Variants in LRP5 observed in about 807,000 individuals in gnomAD.
The protein encoded by LRP5 is LDL receptor related protein 5, also known as low-density lipoprotein receptor-related protein 5.
LRP5 carries 62 observed loss-of-function variants against 154.1 expected under a neutral mutation model. The ratio of observed to expected loss-of-function variants is 0.40; its 90% CI spans 0.33 to 0.50. The LOEUF is 0.50. LRP5 is among the 20% of genes least tolerant of loss of function. The pLI, the probability that LRP5 is intolerant of heterozygous loss-of-function variation, is 0.55. For missense variants in LRP5, 1,915 were observed against 2,336.7 expected (o/e 0.82, Z 3.72); for synonymous variants, 966 against 1,011.5 (o/e 0.96, Z 0.85).
At chr11:68,377,494 G>A (rs1299929443) in intron 5 of LRP5, among the ~76,000 whole-genome samples, 4 of 152,220 alleles carry the variant, frequency 2.6e-5, no homozygotes, top group African/African-American at 4.8e-5. Flanking sequence ...CTTGTGCTTT[G>A]TGACCCTATG....
At chr11:68,313,912 C>T (rs1160318396) in intron 1 of LRP5, among the ~76,000 whole-genome samples, 1 of 152,202 alleles carries the variant, frequency 6.6e-6, no homozygotes, top group African/African-American at 2.4e-5. Context: ...GCTGCAGCCT[C>T]TGCTTGGAGG....
At chr11:68,346,725 G>T (rs146296910) in intron 1 of LRP5, among the ~76,000 whole-genome samples, 1 of 152,112 alleles carries the variant, frequency 6.6e-6, no homozygotes, top group Non-Finnish European at 1.5e-5. Context: ...ATGTTTTTTG[G>T]GGGTGTTTGT....
Position 68,414,023 on chromosome 11 carries a change from C to T in LRP5, c.2827+11C>T. The T allele has an allele frequency of 6.2e-7, 1 of 1,601,378 alleles. No homozygotes were observed. Among genetic ancestry groups the T allele is most frequent in the Non-Finnish European group, 8.5e-7 (1 of 1,179,098 alleles). ...GCCGCAACTGCAGCCGTAAGTGCCT[C>T]ATGGTCCCCCGCACCTCACTCCCTC... On this transcript the variant is annotated intron_variant, in intron 12 of 22. Coordinates refer to ENST00000294304, the MANE Select transcript of LRP5 (RefSeq NM_002335.4).
At chr11:68,392,504 G>A (rs56035323) in intron 7 of LRP5, among the ~76,000 whole-genome samples, 1 of 152,102 alleles carries the variant, frequency 6.6e-6, no homozygotes, top group Non-Finnish European at 1.5e-5. Context: ...ACTCTGTCTT[G>A]AAAAATAAAT....
At chr11:68,357,599 A>G (rs79605577) in intron 2 of LRP5, 51 bp from the exon 3 acceptor site, 5 of 1,561,812 alleles carry the variant, frequency 3.2e-6, no homozygotes, top group South Asian at 1.1e-5. Flanking sequence ...GCAGACAAAA[A>G]CAAAAAACAG....
the LRP5 span, among the ~76,000 whole-genome samples, chr11:68,306,052 G>C: frequency 6.6e-6 from 1 of 152,208 alleles, no homozygotes; most frequent in African/African-American, 2.4e-5. Flanking sequence ...TCCTTGGCTT[G>C]TGGCTGCATG....
chr11:68,437,335 C>G (rs2098675601), intron 19 of LRP5, among the ~76,000 whole-genome samples: 1 of 152,260 alleles, frequency 6.6e-6, no homozygotes, highest in East Asian at 1.9e-4. Flanking sequence ...GTCCTGTTCC[C>G]TGGCAGCTTA....
At chr11:68,406,053 A>T (rs559343878) in intron 8 of LRP5, among the ~76,000 whole-genome samples, 1 of 152,328 alleles carries the variant, frequency 6.6e-6, no homozygotes, top group East Asian at 1.9e-4. Context: ...GCTGCACTTT[A>T]GTTTCCTTGA....
In LRP5 at chr11:68,406,780, C is replaced by A; in HGVS notation, c.2058C>A (p.Asn686Lys). 6.2e-7 allele frequency: 1 copy of A among 1,614,104 alleles called. No individual in the cohort carries two copies. The highest frequency in any genetic ancestry group is 1.1e-5 in the South Asian group (1 of 91,080). The change falls in exon 9 of 23, where the codon AAC (asparagine) becomes AAA (lysine). Residue 686 changes from asparagine (N) to lysine (K), a missense_variant. Around this residue, in one of 3 missense-constraint regions of LRP5, gnomAD observed 773 missense variants for 1,100.9 expected, o/e 0.70. Transcript: ENST00000294304. Reference sequence around the variant, plus strand: ...CAGCCCTGGACTTTGATGTGTCCAACAACCACATCTACTGGACAGACGTCA... The same window carrying A: ...CAGCCCTGGACTTTGATGTGTCCAAAAACCACATCTACTGGACAGACGTCA... Reference protein sequence around the residue: ...EASALDFDVSNNHIYWTDVSL... With the variant: ...EASALDFDVSKNHIYWTDVSL...
intron 1 of LRP5, among the ~76,000 whole-genome samples, chr11:68,317,117 G>A (rs192132383): frequency 5.9e-5 from 9 of 152,298 alleles, no homozygotes; most frequent in African/African-American, 1.9e-4. Context: ...TGTGATGGGC[G>A]GAGGCAGCTG....
chr11:68,310,754 CAAAAAAAAAA>C (rs756320384), upstream of LRP5, among the ~76,000 whole-genome samples: 2 of 63,928 alleles, frequency 3.1e-5, no homozygotes, highest in Non-Finnish European at 6.6e-5. Context: ...GACCCTGTCT[CAAAAAAAAAA>C]AAAAAAAAAA....
chr11:68,346,867 G>T (rs188387656), intron 1 of LRP5, among the ~76,000 whole-genome samples: 1 of 152,334 alleles, frequency 6.6e-6, no homozygotes, highest in Admixed American at 6.5e-5. Flanking sequence ...GTCTGTGTTG[G>T]GGGTTGCTGG....
chr11:68,435,724 C>G (rs1053485146), intron 18 of LRP5, among the ~76,000 whole-genome samples: 3 of 152,174 alleles, frequency 2.0e-5, no homozygotes, highest in African/African-American at 7.2e-5. Flanking sequence ...CCATGCCATG[C>G]TATTCCTATT....
chr11:68,305,183 G>T, the LRP5 span, among the ~76,000 whole-genome samples: 1 of 152,012 alleles, frequency 6.6e-6, no homozygotes, highest in Non-Finnish European at 1.5e-5. Flanking sequence ...ACCCCTCGTG[G>T]CTTGGTGCTG....
rs2098677319 is a variant in LRP5 at position 68,439,984 on chromosome 11, G to GCCACCGGAGGCTTC, written c.4488+71_4488+84dup. 3 of 1,397,764 alleles carry GCCACCGGAGGCTTC rather than the reference G, an allele frequency of 2.1e-6. No homozygotes were observed. In the Admixed American group the frequency reaches 7.7e-5, roughly 36 times the overall value. 86.6% of individuals were successfully genotyped at this position (1,397,764 alleles called of 1,614,324 possible). ...TGGGCCCCTCCCACCGTCAGTGCTG[G>GCCACCGGAGGCTTC]CCACCGGAGGCTTCCCGGGTTCCTG... On this transcript the variant is annotated intron_variant, in intron 21 of 22. Coordinates refer to ENST00000294304, the MANE Select transcript of LRP5 (RefSeq NM_002335.4).
At chr11:68,376,806 G>A (rs532882444) in intron 5 of LRP5, among the ~76,000 whole-genome samples, 2 of 152,224 alleles carry the variant, frequency 1.3e-5, no homozygotes, top group African/African-American at 4.8e-5. Context: ...CTAAAGGGGG[G>A]AGTGTGGCCT....
At chr11:68,417,690 T>G (rs1036733220) in intron 13 of LRP5, among the ~76,000 whole-genome samples, 16 of 151,958 alleles carry the variant, frequency 1.1e-4, no homozygotes, top group Non-Finnish European at 2.2e-4. Flanking sequence ...ATCCCAGCAC[T>G]GTGGGAGGCC....
chr11:68,317,518 A>G (rs573805527), intron 1 of LRP5, among the ~76,000 whole-genome samples: 58 of 150,492 alleles, frequency 3.9e-4, no homozygotes, highest in African/African-American at 1.4e-3. Flanking sequence ...TGCTGGTCCT[A>G]TCCGTTCCCT....
intron 1 of LRP5, among the ~76,000 whole-genome samples, chr11:68,313,791 GGGA>G (rs2098590776): frequency 6.6e-6 from 1 of 152,248 alleles, no homozygotes; most frequent in South Asian, 2.1e-4. Flanking sequence ...CAGTTTAGCG[GGGA>G]GGACCTCGGG....
Sources: allele counts gnomAD v4.1 joint callset (sites outside exome capture counted in the v4.1 genomes callset), GRCh38; gene constraint gnomAD v4.1.1; regional missense constraint gnomAD v4.1.1; transcripts MANE v1.5; gene names NCBI Gene and HGNC (gene_info 2026-07-23, HGNC 2026-07-21).